The following ACAT1 variants were observed in gnomAD, a reference collection of about 807,000 sequenced individuals.
ACAT1 encodes acetyl-CoA acetyltransferase 1.
Under a neutral mutation model 47.3 loss-of-function variants are expected in ACAT1, and 28 were observed. The observed-to-expected ratio is 0.59, with a 90% CI of 0.44 to 0.81. The LOEUF (loss-of-function observed/expected upper bound fraction) is 0.81. ACAT1 is among the 30% of genes least tolerant of loss of function. The probability of loss-of-function intolerance (pLI) is 0.00; values close to 1 mark genes in which losing one functional copy is unlikely to be tolerated. For missense variants in ACAT1, 469 were observed against 524.3 expected (o/e 0.89, Z 1.03); for synonymous variants, 181 against 173.6 (o/e 1.04, Z -0.34).
chr11:108,135,884 A>C (rs1004756515), intron 5 of ACAT1, among the ~76,000 whole-genome samples: 7 of 152,152 alleles, frequency 4.6e-5, no homozygotes, highest in African/African-American at 9.7e-5. Context: ...TGGGTGACTA[A>C]AAATTCATAA....
Position 108,138,885 on chromosome 11 carries a change from T to C in ACAT1, c.436-13T>C. On this transcript the variant is annotated splice_polypyrimidine_tract_variant and intron_variant, in intron 5 of 11. Coordinates refer to ENST00000265838, the MANE Select transcript of ACAT1 (RefSeq NM_000019.4). Reference sequence around the variant, plus strand: ...TTGTATTAACATTGGGTTTTTCTGGTGTTTCTGCGCAGGATGTGATGGTGG... The same window carrying C: ...TTGTATTAACATTGGGTTTTTCTGGCGTTTCTGCGCAGGATGTGATGGTGG... The C allele has an allele frequency of 6.2e-7, 1 of 1,614,182 alleles. No individual in the cohort carries two copies. The highest frequency in any genetic ancestry group is 1.1e-5 in the South Asian group (1 of 91,084).
At chr11:108,134,944 C>CAAAA (rs56229925) in intron 4 of ACAT1, among the ~76,000 whole-genome samples, 198 bp from the exon 5 acceptor site, 1 of 81,352 alleles carries the variant, frequency 1.2e-5, no homozygotes, top group Admixed American at 1.9e-4. Flanking sequence ...GACTCCGTCT[C>CAAAA]AAAAAAAAAA....
In ACAT1 at chr11:108,134,426, C is replaced by T. The variant is rs189792001; in HGVS notation, c.334+110C>T. ...TTGGGAGGCCGAGGCAGGCGGATCACGAGGTCAAGAGATGGAGACCATCCT... is the reference window on the plus strand; with the variant it reads ...TTGGGAGGCCGAGGCAGGCGGATCATGAGGTCAAGAGATGGAGACCATCCT... On this transcript the variant is annotated intron_variant, in intron 4 of 11. Transcript: ENST00000265838. 779 of 784,312 alleles carry T rather than the reference C, an allele frequency of 9.9e-4. 4 individuals are homozygous for T. The highest frequency in any genetic ancestry group is 9.4e-3 in the African/African-American group (540 of 57,322). The allele number at this position is 784,312 out of a possible 1,614,324, so 48.6% of individuals were successfully genotyped here. A position where few individuals can be genotyped will look rare whatever the true frequency, so the allele number is the denominator to read the frequency against.
At chr11:108,128,364 G>A (rs966154190) in intron 1 of ACAT1, among the ~76,000 whole-genome samples, 2 of 152,232 alleles carry the variant, frequency 1.3e-5, no homozygotes, top group African/African-American at 4.8e-5. Flanking sequence ...GCCGAGGCAG[G>A]CGGATCACCT....
At chr11:108,117,301 GTCTC>G (rs1282416286), upstream of ACAT1, among the ~76,000 whole-genome samples, 2 of 149,870 alleles carry the variant, frequency 1.3e-5, no homozygotes, top group African/African-American at 4.9e-5. Flanking sequence ...GCAAGGCTCT[GTCTC>G]TCTCTTTTTT....
intron 7 of ACAT1, 56 bp from the exon 8 acceptor site, chr11:108,141,549 G>A: frequency 1.5e-6 from 2 of 1,345,154 alleles, no homozygotes; most frequent in Non-Finnish European, 2.1e-6. Flanking sequence ...TACAACAGTT[G>A]CTTGCTGAAT....
Position 108,140,065 on chromosome 11 carries a change from G to C in ACAT1, c.580G>C (p.Gly194Arg). Residue 194 changes from glycine (G) to arginine (R), a missense_variant and splice_region_variant, in exon 7 of 12, where the codon GGC (glycine) becomes CGC (arginine). Coordinates refer to ENST00000265838, the MANE Select transcript of ACAT1 (RefSeq NM_000019.4). ...LTDVYNKIHM[G>R]SCAENTAKKL... is the part of the protein sequence containing the mutation. ...TTAAAATATTTCAACTTTTTATCAG[G>C]GCAGCTGTGCTGAGAATACAGCAAA... 3 of 1,613,528 alleles carry C rather than the reference G, an allele frequency of 1.9e-6. No homozygotes were observed. The South Asian group carries it at 3.3e-5, about 18-fold the overall frequency.
At chr11:108,125,953 G>A (rs2077240306) in intron 1 of ACAT1, among the ~76,000 whole-genome samples, 1 of 151,058 alleles carries the variant, frequency 6.6e-6, no homozygotes, top group Non-Finnish European at 1.5e-5. Flanking sequence ...AAGACATGAA[G>A]AATAAAAATG....
chr11:108,133,676 T>G (rs973030476), intron 2 of ACAT1, 144 bp from the exon 3 acceptor site: 11 of 684,908 alleles, frequency 1.6e-5, no homozygotes, highest in Non-Finnish European at 2.6e-5. Flanking sequence ...TTGAACTGAT[T>G]ATCTTGACAG....
chr11:108,118,676 T>C (rs1472497250), upstream of ACAT1, among the ~76,000 whole-genome samples: 2 of 152,204 alleles, frequency 1.3e-5, no homozygotes, highest in African/African-American at 4.8e-5. Context: ...GGCCAAGTCC[T>C]AGATTCTTAA....
chr11:108,134,253 A>G lies in ACAT1; in HGVS notation c.271A>G (p.Met91Val). 6.2e-7 allele frequency: 1 copy of G among 1,613,240 alleles called. No homozygotes were observed. Among genetic ancestry groups the G allele is most frequent in the Non-Finnish European group, 8.5e-7 (1 of 1,179,712 alleles). The change falls in exon 4 of 12, where the codon ATG becomes GTG. Residue 91 changes from methionine to valine, a missense_variant. By Grantham distance (21) the Met-to-Val change is conservative. Coordinates refer to ENST00000265838, the MANE Select transcript of ACAT1 (RefSeq NM_000019.4). ...AAAAGAAGAAGTGAAAGAAGCATAC[A>G]TGGGTAATGTTCTACAAGGAGGTGA... Reference protein sequence around the residue: ...IPKEEVKEAYMGNVLQGGEGQ... With the variant: ...IPKEEVKEAYVGNVLQGGEGQ...
chr11:108,135,284 C>A (rs2077448167), intron 5 of ACAT1, 42 bp downstream of exon 5: 2 of 1,436,720 alleles, frequency 1.4e-6, no homozygotes. Context: ...CAGAGTAATA[C>A]CTAGGGCTAA....
chr11:108,121,851 C>T, intron 1 of ACAT1, 173 bp downstream of exon 1: 1 of 647,678 alleles, frequency 1.5e-6, no homozygotes, highest in Non-Finnish European at 2.7e-6. Context: ...TCCGATAACA[C>T]CCAGGGACTC....
chr11:108,127,374 C>T (rs2135307538), intron 1 of ACAT1, among the ~76,000 whole-genome samples: 1 of 151,866 alleles, frequency 6.6e-6, no homozygotes, highest in African/African-American at 2.4e-5. Flanking sequence ...ACACCATTCT[C>T]CCACCTCAGC....
intron 5 of ACAT1, 47 bp from the exon 6 acceptor site, chr11:108,138,851 G>A: frequency 6.2e-7 from 1 of 1,613,390 alleles, no homozygotes; most frequent in African/African-American, 1.3e-5. Context: ...TCATGGGTTT[G>A]CAAAATATTT....
At chr11:108,126,226 C>T (rs895506264) in intron 1 of ACAT1, among the ~76,000 whole-genome samples, 8 of 152,148 alleles carry the variant, frequency 5.3e-5, no homozygotes, top group Admixed American at 2.0e-4. Context: ...TGGTCTCAAA[C>T]TTCTAATCTC....
At chr11:108,137,524 T>TCCAGGAAG (rs1377611393) in intron 5 of ACAT1, among the ~76,000 whole-genome samples, 1 of 152,198 alleles carries the variant, frequency 6.6e-6, no homozygotes, top group Non-Finnish European at 1.5e-5. Flanking sequence ...ATCTCAGCTG[T>TCCAGGAAG]CCAGGAAGAG....
rs397951009 is a variant in ACAT1, at chr11:108,131,354, ATTTTT to A, written c.73-539_73-535del. ...AAGCTATATTTAAGAAAGACTTGGA[ATTTTT>A]TTTTTTTTTTTTTAGACAGTCTTGC... is the stretch of plus-strand genomic sequence containing the variant. On this transcript the variant is annotated intron_variant, in intron 1 of 11. Coordinates refer to ENST00000265838, the MANE Select transcript of ACAT1 (RefSeq NM_000019.4). 6.4e-5 allele frequency among the ~76,000 whole-genome samples: 4 copies of A among 62,660 alleles called. 1 individual carries two copies. In the East Asian group the frequency reaches 3.0e-3, roughly 47 times the overall value. 41.1% of individuals were successfully genotyped at this position (62,660 alleles called of 152,430 possible).
At chr11:108,130,942 G>GC (rs1555031386) in intron 1 of ACAT1, among the ~76,000 whole-genome samples, 1 of 151,970 alleles carries the variant, frequency 6.6e-6, no homozygotes, top group African/African-American at 2.4e-5. Context: ...TAGAGACGGG[G>GC]TTTTTTCGCC....
Sources: allele counts gnomAD v4.1 joint callset (sites outside exome capture counted in the v4.1 genomes callset), GRCh38; gene constraint gnomAD v4.1.1; transcripts MANE v1.5; gene names NCBI Gene and HGNC (gene_info 2026-07-23, HGNC 2026-07-21).